The following COL7A1 variants were observed in gnomAD, a reference collection of about 807,000 sequenced individuals.
COL7A1 encodes collagen alpha-1(VII) chain.
Under a neutral mutation model 456.2 loss-of-function variants are expected in COL7A1, and 296 were observed. That is an observed-to-expected ratio of 0.65 (90% CI 0.59 to 0.71). The LOEUF (loss-of-function observed/expected upper bound fraction) is 0.71. Among genes scored for constraint, COL7A1 ranks in the 30% least tolerant of loss-of-function variants. COL7A1 has a pLI of 0.00. For synonymous variants in COL7A1, 1,464 were observed against 1,525.9 expected, an observed-to-expected ratio of 0.96 and a Z score of 0.95; for missense variants, 3,441 against 4,017.2, an observed-to-expected ratio of 0.86 and a Z score of 3.88.
In COL7A1 at chr3:48,586,553, C is replaced by CA; in HGVS notation, c.3403+9dup. 1 of 1,613,758 alleles carries CA rather than the reference C, an allele frequency of 6.2e-7. No homozygotes were observed. On this transcript the variant is annotated intron_variant, in intron 26 of 118. Transcript: ENST00000681320. This position sits in a 1 kb window ranked among gnomAD's most constrained non-coding sequence, Gnocchi z 5.1. ...TAGCCCCAGGAGTCCATGCCTGCTG[C>CA]AGTCCTCACCCAGGTTGTTCCCACT...
Position 48,571,425 on chromosome 3 carries a change from G to T in COL7A1, c.7069-147C>A. 2.1e-6 allele frequency: 2 copies of T among 936,958 alleles called. No homozygotes were observed. The highest frequency in any genetic ancestry group is 1.6e-5 in the African/African-American group (1 of 61,202). The allele number at this position is 936,958 out of a possible 1,614,324, so 58.0% of individuals were successfully genotyped here. ...TGCGACCAAGAATTGGCTCACAGGA[G>T]CTCAGACATGACCATGGCCTATCTC... On this transcript the variant is annotated intron_variant, in intron 92 of 118. Transcript: ENST00000681320. The surrounding 1 kb of genome is among the most constrained non-coding windows in gnomAD (Gnocchi z 4.6).
chr3:48,573,978 T>C lies in COL7A1; in HGVS notation c.6502-88A>G. The C allele has an allele frequency of 6.6e-7, 1 of 1,513,556 alleles. No homozygotes were observed. Among genetic ancestry groups the C allele is most frequent in the Non-Finnish European group, 9.1e-7 (1 of 1,104,928 alleles). 93.8% of individuals were successfully genotyped at this position (1,513,556 alleles called of 1,614,324 possible). ...TGGGGGCTTTTTCCTTGGGGGTCAA[T>C]TTCCATACCTCACCCTTTCCAGTCA... is the stretch of plus-strand genomic sequence containing the variant. On this transcript the variant is annotated intron_variant, in intron 80 of 118. Transcript: ENST00000681320. This position sits in a 1 kb window ranked among gnomAD's most constrained non-coding sequence, Gnocchi z 5.5.
chr3:48,578,857 T>G lies in COL7A1; in HGVS notation c.5424+62A>C. On this transcript the variant is annotated intron_variant, in intron 63 of 118. Transcript: ENST00000681320. The surrounding 1 kb of genome is among the most constrained non-coding windows in gnomAD (Gnocchi z 4.7). ...ACTCTCTCGGATGCTGTGACTATGA[T>G]GATCTGGTTGGAGCTTACGCAGCCC... 132 of 1,536,558 alleles carry G rather than the reference T, an allele frequency of 8.6e-5. No homozygotes were observed. Among genetic ancestry groups the G allele is most frequent in the Non-Finnish European group, 1.0e-4 (118 of 1,129,704 alleles).
At chr3:48,582,194 G>A (rs2107716644) in intron 47 of COL7A1, 129 bp downstream of exon 47, 1 of 1,539,692 alleles carries the variant, frequency 6.5e-7, no homozygotes, top group Non-Finnish European at 9.0e-7. Flanking sequence ...CTAGCAGAAG[G>A]AGAGCCGCAG....
At position 48,583,756 on chromosome 3, in the gene COL7A1, G is replaced by A; in HGVS notation, c.4303C>T (p.Gln1435Ter). Residue 1435 changes from glutamine (Q) to a stop codon, truncating the protein, a stop_gained, in exon 40 of 119, where the codon CAA (glutamine) becomes TAA (stop). Coordinates refer to ENST00000681320, the MANE Select transcript of COL7A1 (RefSeq NM_000094.4). LOFTEE classifies it high-confidence loss of function. This position sits in a 1 kb window ranked among gnomAD's most constrained non-coding sequence, Gnocchi z 5.1. The part of the protein sequence containing the change: ...LPGLPGSPGP[Q>*]GPVGPPGKKG... Reference sequence around the variant, plus strand: ...TTTCCAGGGGGGCCAACGGGGCCTTGGGGTCCAGGGCTTCCGGGAAGACCC... The same window carrying A: ...TTTCCAGGGGGGCCAACGGGGCCTTAGGGTCCAGGGCTTCCGGGAAGACCC... 1 of 1,614,006 alleles carries A rather than the reference G, an allele frequency of 6.2e-7. No homozygotes were observed. The highest frequency in any genetic ancestry group is 8.5e-7 in the Non-Finnish European group (1 of 1,179,974).
intron 65 of COL7A1, among the ~76,000 whole-genome samples, chr3:48,577,689 A>G (rs967650889): frequency 1.3e-5 from 2 of 152,124 alleles, no homozygotes; most frequent in Non-Finnish European, 2.9e-5. Flanking sequence ...GGGTATCAAC[A>G]TGTCTCTAAG....
chr3:48,575,781 TGCGTC>T lies in COL7A1; in HGVS notation c.5857-38_5857-34del. ...ACAGCAAGAGGTCAGAGGAGCGGGG[TGCGTC>T]GCCGCAGCCCCTATGCCTGTGGGCA... On this transcript the variant is annotated intron_variant, in intron 72 of 118. Transcript: ENST00000681320. The surrounding 1 kb of genome is among the most constrained non-coding windows in gnomAD (Gnocchi z 6.3). 2 of 1,613,812 alleles carry T rather than the reference TGCGTC, an allele frequency of 1.2e-6. No homozygotes were observed. The highest frequency in any genetic ancestry group is 1.7e-6 in the Non-Finnish European group (2 of 1,179,972).
chr3:48,579,658 C>T lies in COL7A1; in HGVS notation c.5165G>A (p.Gly1722Glu). 6.2e-7 allele frequency: 1 copy of T among 1,613,644 alleles called. No individual in the cohort carries two copies. The highest frequency in any genetic ancestry group is 1.7e-4 in the Middle Eastern group (1 of 6,058). ...TCGAGGACCCTCTTGTCCGCGGTCC[C>T]CAGGCTCTCCCTGTGGCAGAGATAA... ...GPGAREKGEP[G>E]DRGQEGPRGP... The change falls in exon 59 of 119, where the codon GGG becomes GAG. Residue 1722 changes from glycine to glutamate, a missense_variant. Transcript: ENST00000681320. This position sits in a 1 kb window ranked among gnomAD's most constrained non-coding sequence, Gnocchi z 4.4.
rs2045488726 is a variant in COL7A1 at position 48,588,900 on chromosome 3, C to T, written c.2410G>A (p.Ala804Thr). The T allele has an allele frequency of 6.2e-7, 1 of 1,613,584 alleles. No individual in the cohort carries two copies. The highest frequency in any genetic ancestry group is 8.5e-7 in the Non-Finnish European group (1 of 1,180,050). Reference protein sequence around the residue: ...ITWVGVTGATAYRLAWGRSEG... With the variant: ...ITWVGVTGATTYRLAWGRSEG... ...CTCCGGCCCCAGGCCAGTCTGTAAGCTGTGGCTCCAGTGACCCCTACCCAG... is the reference window on the plus strand; with the variant it reads ...CTCCGGCCCCAGGCCAGTCTGTAAGTTGTGGCTCCAGTGACCCCTACCCAG... Residue 804 changes from alanine (A) to threonine (T), a missense_variant, in exon 19 of 119, where the codon GCT (alanine) becomes ACT (threonine). This residue lies in a region of COL7A1 where 913 missense variants were observed against 1,088.2 expected (regional missense o/e 0.84). Coordinates refer to ENST00000681320, the MANE Select transcript of COL7A1 (RefSeq NM_000094.4). This position sits in a 1 kb window ranked among gnomAD's most constrained non-coding sequence, Gnocchi z 4.6.
At position 48,590,675 on chromosome 3, in the gene COL7A1, C is replaced by A; in HGVS notation, c.1778G>T (p.Arg593Leu). ...CACAAGCCTCCTGCAGTACTCACCC[C>A]GGCGGACAGTGAGGACACTGGCACT... ...EGSASVLTVR[R>L]EPETPLAVPG... The change falls in exon 14 of 119, where the codon CGG becomes CTG. Residue 593 changes from arginine (R) to leucine (L), a missense_variant and splice_region_variant. Arg to Leu is a moderately radical substitution (Grantham distance 102). Transcript: ENST00000681320. This position sits in a 1 kb window ranked among gnomAD's most constrained non-coding sequence, Gnocchi z 4.6. The A allele has an allele frequency of 6.2e-7, 1 of 1,613,994 alleles. No homozygotes were observed. The highest frequency in any genetic ancestry group is 8.5e-7 in the Non-Finnish European group (1 of 1,180,036).
Position 48,573,616 on chromosome 3 carries a change from G to A in COL7A1, c.6574-59C>T. ...TCAGGGATTAACACAGAGAAGGCCT[G>A]GCTCATCAGCTGTGGCCAATGCCTA... On this transcript the variant is annotated intron_variant, in intron 82 of 118. Coordinates refer to ENST00000681320, the MANE Select transcript of COL7A1 (RefSeq NM_000094.4). The surrounding 1 kb of genome is among the most constrained non-coding windows in gnomAD (Gnocchi z 5.5). 5.0e-6 allele frequency: 8 copies of A among 1,613,434 alleles called. No individual in the cohort carries two copies. Among genetic ancestry groups the A allele is most frequent in the Non-Finnish European group, 5.9e-6 (7 of 1,179,560 alleles).
At position 48,592,088 on chromosome 3, in the gene COL7A1, C is replaced by A; in HGVS notation, c.1240+14G>T. 6.2e-7 allele frequency: 1 copy of A among 1,614,188 alleles called. No homozygotes were observed. Among genetic ancestry groups the A allele is most frequent in the South Asian group, 1.1e-5 (1 of 91,086 alleles). ...TGCCCGTCCCAGCCTGAAGAAAGTGCCCAGCCTTCTCACCAGTGCGAGCCA... is the reference window on the plus strand; with the variant it reads ...TGCCCGTCCCAGCCTGAAGAAAGTGACCAGCCTTCTCACCAGTGCGAGCCA... On this transcript the variant is annotated intron_variant, in intron 10 of 118. Coordinates refer to ENST00000681320, the MANE Select transcript of COL7A1 (RefSeq NM_000094.4). This position sits in a 1 kb window ranked among gnomAD's most constrained non-coding sequence, Gnocchi z 7.6.
Position 48,580,940 on chromosome 3 carries a change from GAAAAGTC to G in COL7A1, c.4936-21_4936-15del, listed in dbSNP as rs1560232703. The G allele has an allele frequency of 6.2e-7, 1 of 1,613,990 alleles. No individual in the cohort carries two copies. Among genetic ancestry groups the G allele is most frequent in the South Asian group, 1.1e-5 (1 of 91,056 alleles). On this transcript the variant is annotated splice_polypyrimidine_tract_variant and intron_variant, in intron 53 of 118. Transcript: ENST00000681320. The surrounding 1 kb of genome is among the most constrained non-coding windows in gnomAD (Gnocchi z 4.5). ...ACCCGGGTCACCCTGGTGATAGAGAGAAAAGTCATACTGCACAGGGCAGTCAGGATCT... is the reference window on the plus strand; with the variant it reads ...ACCCGGGTCACCCTGGTGATAGAGAGATACTGCACAGGGCAGTCAGGATCT...
Position 48,588,192 on chromosome 3 carries a change from G to T in COL7A1, c.2710+90C>A. 2 of 1,593,916 alleles carry T rather than the reference G, an allele frequency of 1.3e-6. No homozygotes were observed. Among genetic ancestry groups the T allele is most frequent in the Non-Finnish European group, 8.6e-7 (1 of 1,167,724 alleles). On this transcript the variant is annotated intron_variant, in intron 21 of 118. Transcript: ENST00000681320. The surrounding 1 kb of genome is among the most constrained non-coding windows in gnomAD (Gnocchi z 4.6). ...CCGCAGACCCCCAGTGACAGACCCCGCCCACCATCACTGTCCTCGCCTACC... is the reference window on the plus strand; with the variant it reads ...CCGCAGACCCCCAGTGACAGACCCCTCCCACCATCACTGTCCTCGCCTACC...
rs559989873 is a variant in COL7A1, at chr3:48,587,917, G to A, written c.2733C>T (p.Val911=). ...GATAGCTGCTGAGCTCGGGCCCCAG[G>A]ACCCGGGACTGTTCCTGGCCACCTG... is the stretch of plus-strand genomic sequence containing the variant. ...QPEGGQEQSR[V]LGPELSSYHL... is the part of the protein sequence containing the mutation. Residue 911 remains valine (V), a synonymous_variant, in exon 22 of 119, where the codon GTC becomes GTT. Transcript: ENST00000681320. This position sits in a 1 kb window ranked among gnomAD's most constrained non-coding sequence, Gnocchi z 6.1. 6.2e-7 allele frequency: 1 copy of A among 1,600,958 alleles called. No homozygotes were observed. Among genetic ancestry groups the A allele is most frequent in the African/African-American group, 1.3e-5 (1 of 74,702 alleles).
At chr3:48,584,407 C>T (rs1361963387) in intron 36 of COL7A1, 32 bp from the exon 37 acceptor site, 1 of 1,613,450 alleles carries the variant, frequency 6.2e-7, no homozygotes, top group African/African-American at 1.3e-5. Context: ...AAGGTGCAAC[C>T]CCACAGACCT....
At position 48,571,250 on chromosome 3, in the gene COL7A1, C is replaced by G; in HGVS notation, c.7097G>C (p.Gly2366Ala). The change falls in exon 93 of 119, where the codon GGT (glycine) becomes GCT (alanine). Residue 2366 changes from glycine (G) to alanine (A), a missense_variant. Gly to Ala is a moderately conservative substitution (Grantham distance 60). This residue lies in a region of COL7A1 where 2,084 missense variants were observed against 2,501.3 expected (regional missense o/e 0.83). Transcript: ENST00000681320. This position sits in a 1 kb window ranked among gnomAD's most constrained non-coding sequence, Gnocchi z 4.6. Reference protein sequence around the residue: ...DGQKGAPGPKGFKGDPGVGVP... With the variant: ...DGQKGAPGPKAFKGDPGVGVP... ...CCTTCTGGGTACACATACCTTGAAA[C>G]CTTTGGGTCCTGGAGCCCCTTTCTG... is the stretch of plus-strand genomic sequence containing the variant. 3 of 1,614,182 alleles carry G rather than the reference C, an allele frequency of 1.9e-6. No homozygotes were observed. Among genetic ancestry groups the G allele is most frequent in the Non-Finnish European group, 2.5e-6 (3 of 1,180,042 alleles).
Position 48,567,102 on chromosome 3 carries a change from T to C in COL7A1, c.8109+26A>G. On this transcript the variant is annotated intron_variant, in intron 110 of 118. Coordinates refer to ENST00000681320, the MANE Select transcript of COL7A1 (RefSeq NM_000094.4). The surrounding 1 kb of genome is among the most constrained non-coding windows in gnomAD (Gnocchi z 4.3). ...TCCCAAAGTGCACGCTCCCCTCAAT[T>C]CACCATGACCATGGCTTCAACTCAC... The C allele has an allele frequency of 6.2e-7, 1 of 1,613,212 alleles. No homozygotes were observed. The highest frequency in any genetic ancestry group is 8.5e-7 in the Non-Finnish European group (1 of 1,179,674).
At position 48,574,338 on chromosome 3, in the gene COL7A1, C is replaced by G; in HGVS notation, c.6457-32G>C. 1 of 1,614,118 alleles carries G rather than the reference C, an allele frequency of 6.2e-7. No homozygotes were observed. The highest frequency in any genetic ancestry group is 8.5e-7 in the Non-Finnish European group (1 of 1,180,006). ...AGAATAGGTTTAAGGCCTTAGTTTC[C>G]CAGTTCCAACTTCCCCTCCACCCAC... On this transcript the variant is annotated intron_variant, in intron 79 of 118. Transcript: ENST00000681320. The surrounding 1 kb of genome is among the most constrained non-coding windows in gnomAD (Gnocchi z 5.0).
Sources: allele counts gnomAD v4.1 joint callset (sites outside exome capture counted in the v4.1 genomes callset), GRCh38; gene constraint gnomAD v4.1.1; regional missense constraint gnomAD v4.1.1; non-coding constraint Gnocchi (gnomAD v3.1); transcripts MANE v1.5; gene names NCBI Gene and HGNC (gene_info 2026-07-23, HGNC 2026-07-21).